Variants in TMEM71 observed in about 807,000 individuals in gnomAD.
TMEM71 encodes the protein transmembrane protein 71.
In TMEM71, 44 loss-of-function variants were observed where a neutral mutation model predicts 38.0. The ratio of observed to expected loss-of-function variants is 1.16; its 90% CI spans 0.91 to 1.49. The LOEUF (loss-of-function observed/expected upper bound fraction) is 1.49. Ranked by LOEUF, TMEM71 falls within the 40% of genes most tolerant of loss-of-function variation. The pLI is 0.00. For missense variants in TMEM71, 367 were observed against 348.6 expected, an observed-to-expected ratio of 1.05 and a Z score of -0.42; for synonymous variants, 133 against 122.5, an observed-to-expected ratio of 1.09 and a Z score of -0.56.
chr8:132,771,330 C>A, the TMEM71 span, among the ~76,000 whole-genome samples: 3 of 152,210 alleles, frequency 2.0e-5, no homozygotes, highest in Admixed American at 6.5e-5. Flanking sequence ...TGTTCACTCT[C>A]TTGCTTCATG....
chr8:132,715,918 G>A (rs189236594), intron 7 of TMEM71, among the ~76,000 whole-genome samples: 17 of 152,326 alleles, frequency 1.1e-4, no homozygotes, highest in Admixed American at 5.9e-4. Flanking sequence ...AGACAGAAAT[G>A]GTGGGAAAAA....
chr8:132,721,379 C>T (rs997302757), intron 7 of TMEM71, among the ~76,000 whole-genome samples: 4 of 152,144 alleles, frequency 2.6e-5, no homozygotes, highest in Admixed American at 6.5e-5. Flanking sequence ...GACCCTAAAT[C>T]GCACAGTGGG....
intron 7 of TMEM71, among the ~76,000 whole-genome samples, chr8:132,719,196 G>A (rs904259134): frequency 2.6e-5 from 4 of 152,084 alleles, no homozygotes; most frequent in Admixed American, 6.6e-5. Flanking sequence ...TATACCCTCG[G>A]AATTAATCAC....
At chr8:132,741,980 G>A (rs954489440) in intron 5 of TMEM71, among the ~76,000 whole-genome samples, 3 of 152,228 alleles carry the variant, frequency 2.0e-5, no homozygotes, top group Non-Finnish European at 4.4e-5. Context: ...CTTCCCAGAC[G>A]CTGGCGTCAC....
At chr8:132,726,641 G>T (rs190504095) in intron 6 of TMEM71, among the ~76,000 whole-genome samples, 3 of 152,282 alleles carry the variant, frequency 2.0e-5, no homozygotes, top group Admixed American at 2.0e-4. Context: ...GCAAGCCAAT[G>T]ACAGAGTGGG....
rs147586924 is a variant in TMEM71, at chr8:132,750,303, C to G, written c.314+1482G>C. 1.1e-4 allele frequency among the ~76,000 whole-genome samples: 17 copies of G among 152,264 alleles called. No individual in the cohort carries two copies. The East Asian group carries it at 2.7e-3, about 24-fold the overall frequency. ...TTTGAGATGCCTGTAGGAAATCCCT[C>G]CCTCCCTCATCAACAAGGGTAGAGT... On this transcript the variant is annotated intron_variant, in intron 4 of 9. Transcript: ENST00000677595.
the TMEM71 span, chr8:132,775,368 C>T: frequency 5.5e-6 from 2 of 362,318 alleles, no homozygotes; most frequent in African/African-American, 2.1e-5. Flanking sequence ...GCTGACGTCG[C>T]CGGGGCCCGG....
chr8:132,772,958 A>G, the TMEM71 span, among the ~76,000 whole-genome samples: 3 of 152,212 alleles, frequency 2.0e-5, no homozygotes, highest in South Asian at 2.1e-4. Context: ...TGTTCAGAAA[A>G]AAGGTCAGTG....
At chr8:132,765,520 C>A (rs540277553), upstream of TMEM71, among the ~76,000 whole-genome samples, 1 of 152,056 alleles carries the variant, frequency 6.6e-6, no homozygotes, top group Admixed American at 6.5e-5. Flanking sequence ...TAGACAGATG[C>A]GTGTTCCAGA....
At chr8:132,740,111 A>C (rs1385494751) in intron 5 of TMEM71, among the ~76,000 whole-genome samples, 2 of 152,194 alleles carry the variant, frequency 1.3e-5, no homozygotes. Flanking sequence ...GTATGAAAGC[A>C]AAGCCTTTGA....
chr8:132,729,157 TTCA>T (rs1827315778), intron 5 of TMEM71, among the ~76,000 whole-genome samples: 1 of 152,244 alleles, frequency 6.6e-6, no homozygotes, highest in Non-Finnish European at 1.5e-5. Context: ...ACTTGGTGTC[TTCA>T]ATGTGAGGTC....
the TMEM71 span, among the ~76,000 whole-genome samples, chr8:132,772,023 C>T: frequency 4.6e-5 from 7 of 152,080 alleles, no homozygotes; most frequent in South Asian, 2.1e-4. Context: ...CAGTAGTTTA[C>T]GTTTCTGCTA....
At chr8:132,754,389 T>A (rs1335732141) in intron 3 of TMEM71, among the ~76,000 whole-genome samples, 1 of 152,224 alleles carries the variant, frequency 6.6e-6, no homozygotes, top group Non-Finnish European at 1.5e-5. Context: ...TTGGACCAAT[T>A]TTATATTACA....
the TMEM71 span, among the ~76,000 whole-genome samples, chr8:132,775,842 T>G: frequency 6.6e-6 from 1 of 152,076 alleles, no homozygotes; most frequent in African/African-American, 2.4e-5. Flanking sequence ...GCCGGATGGC[T>G]GTCAAACCTG....
At chr8:132,709,320 T>C (rs964585975), downstream of TMEM71, among the ~76,000 whole-genome samples, 2 of 152,192 alleles carry the variant, frequency 1.3e-5, no homozygotes, top group Non-Finnish European at 2.9e-5. Flanking sequence ...CTTAACCTAC[T>C]TGTAAAAATG....
chr8:132,775,498 C>T, the TMEM71 span: 2 of 376,366 alleles, frequency 5.3e-6, no homozygotes, highest in Non-Finnish European at 4.7e-6. Context: ...GCGGATCCGG[C>T]GCTGCGGCCC....
In TMEM71 at chr8:132,757,312, A is replaced by G. The variant is rs1829080720; in HGVS notation, c.41-18T>C. The G allele has an allele frequency of 6.3e-7, 1 of 1,586,410 alleles. No homozygotes were observed. The highest frequency in any genetic ancestry group is 8.6e-7 in the Non-Finnish European group (1 of 1,156,158). ...GGAAGAACCTGCATAAACAAATGAGAGAGAAGTAGAATGTATCATACCTGA... is the reference window on the plus strand; with the variant it reads ...GGAAGAACCTGCATAAACAAATGAGGGAGAAGTAGAATGTATCATACCTGA... On this transcript the variant is annotated intron_variant, in intron 2 of 9. Coordinates refer to ENST00000677595, the MANE Select transcript of TMEM71 (RefSeq NM_001382403.1).
At chr8:132,754,731 A>G (rs1828910331) in intron 3 of TMEM71, among the ~76,000 whole-genome samples, 1 of 152,200 alleles carries the variant, frequency 6.6e-6, no homozygotes, top group African/African-American at 2.4e-5. Flanking sequence ...ATTATGTTAC[A>G]CAAAACTTTT....
chr8:132,764,668 A>C (rs994175899), upstream of TMEM71, among the ~76,000 whole-genome samples: 1 of 151,982 alleles, frequency 6.6e-6, no homozygotes, highest in Non-Finnish European at 1.5e-5. Context: ...TTCATCTCCC[A>C]TCTCTTTCTG....
Sources: gnomAD v4.1 joint callset for allele counts (sites outside exome capture counted in the v4.1 genomes callset) on GRCh38, gnomAD v4.1.1 for gene constraint, MANE v1.5 for transcripts, NCBI Gene and HGNC (gene_info 2026-07-23, HGNC 2026-07-21) for gene names.